Variants in RPS6KC1 observed in about 807,000 individuals in gnomAD.
RPS6KC1 encodes inactive ribosomal protein S6 kinase delta-1.
RPS6KC1 carries 54 observed loss-of-function variants against 103.8 expected under a neutral mutation model. That is an observed-to-expected ratio of 0.52 (90% CI 0.42 to 0.65). The LOEUF is 0.65. Among genes scored for constraint, RPS6KC1 ranks in the 30% least tolerant of loss-of-function variants. RPS6KC1 has a pLI of 0.00. For synonymous variants in RPS6KC1, 439 were observed against 438.7 expected (o/e 1.00, Z -0.01); for missense variants, 1,151 against 1,253.8 (o/e 0.92, Z 1.24).
At chr1:213,304,032 C>T in the RPS6KC1 span, among the ~76,000 whole-genome samples, 2 of 150,692 alleles carry the variant, frequency 1.3e-5, no homozygotes, top group Admixed American at 6.6e-5. Context: ...GGTGAAACCC[C>T]GTCTCTACTA....
At chr1:213,603,989 A>G in the RPS6KC1 span, among the ~76,000 whole-genome samples, 1 of 152,154 alleles carries the variant, frequency 6.6e-6, no homozygotes, top group Non-Finnish European at 1.5e-5. Context: ...AATTTCTCCT[A>G]TGACTTTGGT....
the RPS6KC1 span, among the ~76,000 whole-genome samples, chr1:213,781,928 G>A: frequency 3.3e-5 from 5 of 152,146 alleles, no homozygotes; most frequent in African/African-American, 1.2e-4. Context: ...GTGTTGCTGT[G>A]TTTCCATTTA....
the RPS6KC1 span, among the ~76,000 whole-genome samples, chr1:213,684,102 C>T: frequency 0.16 from 23,946 of 152,134 alleles, 2,559 homozygotes; most frequent in Non-Finnish European, 0.23. Context: ...CTTACTATTC[C>T]CTGTACACAC....
chr1:213,579,529 G>A, the RPS6KC1 span, among the ~76,000 whole-genome samples: 330 of 152,210 alleles, frequency 2.2e-3, 1 homozygote, highest in Non-Finnish European at 4.1e-3. Context: ...GATGAAGGGG[G>A]CTATAATAGA....
the RPS6KC1 span, among the ~76,000 whole-genome samples, chr1:213,695,771 C>T: frequency 6.6e-5 from 10 of 152,122 alleles, no homozygotes; most frequent in African/African-American, 1.4e-4. Context: ...ATAGGTCTAT[C>T]TAGGAAAGAT....
the RPS6KC1 span, among the ~76,000 whole-genome samples, chr1:213,756,854 C>T: frequency 2.5e-4 from 38 of 152,178 alleles, no homozygotes; most frequent in East Asian, 3.5e-3. Context: ...AAGCAATCTG[C>T]CTGCCTCGGC....
intron 1 of RPS6KC1, among the ~76,000 whole-genome samples, chr1:213,064,012 G>A (rs1415057536): frequency 6.6e-6 from 1 of 152,158 alleles, no homozygotes; most frequent in Non-Finnish European, 1.5e-5. Flanking sequence ...AACTGAATCA[G>A]TGGCAGTTAA....
the RPS6KC1 span, among the ~76,000 whole-genome samples, chr1:213,583,675 G>A: frequency 1.3e-5 from 2 of 151,718 alleles, no homozygotes; most frequent in Non-Finnish European, 2.9e-5. Context: ...ACAAAACTTA[G>A]CTGGGCATGG....
chr1:213,598,536 T>G, the RPS6KC1 span, among the ~76,000 whole-genome samples: 7 of 152,140 alleles, frequency 4.6e-5, no homozygotes, highest in South Asian at 1.5e-3. Context: ...CAATCTGCTT[T>G]TTAGGTAAAT....
chr1:213,383,483 A>T, the RPS6KC1 span, among the ~76,000 whole-genome samples: 1 of 152,228 alleles, frequency 6.6e-6, no homozygotes, highest in African/African-American at 2.4e-5. Flanking sequence ...TGTGTGCTCC[A>T]GGGCAAGAAT....
intron 12 of RPS6KC1, among the ~76,000 whole-genome samples, chr1:213,260,279 T>G (rs528493419): frequency 7.2e-5 from 11 of 152,300 alleles, no homozygotes; most frequent in African/African-American, 2.4e-4. Flanking sequence ...AAATTGTGAT[T>G]TGGCATGAAG....
chr1:213,223,328 G>A (rs1305431344), intron 8 of RPS6KC1, among the ~76,000 whole-genome samples: 8 of 152,056 alleles, frequency 5.3e-5, no homozygotes, highest in Non-Finnish European at 1.2e-4. Context: ...AATGTACACT[G>A]TACCCAATAC....
chr1:213,591,678 A>T, the RPS6KC1 span, among the ~76,000 whole-genome samples: 1 of 152,116 alleles, frequency 6.6e-6, no homozygotes, highest in African/African-American at 2.4e-5. Flanking sequence ...GCAGATTCTG[A>T]GATGGAGATT....
the RPS6KC1 span, among the ~76,000 whole-genome samples, chr1:213,349,002 T>C: frequency 1.3e-5 from 2 of 152,346 alleles, no homozygotes; most frequent in South Asian, 4.1e-4. Flanking sequence ...CTGGTCTTCA[T>C]TTCTAGGTGT....
downstream of RPS6KC1, among the ~76,000 whole-genome samples, chr1:213,275,497 G>C (rs2095110601): frequency 6.6e-6 from 1 of 152,116 alleles, no homozygotes; most frequent in African/African-American, 2.4e-5. Context: ...AGAGTGAAAA[G>C]AATGTCATTT....
the RPS6KC1 span, among the ~76,000 whole-genome samples, chr1:213,398,208 T>C: frequency 3.3e-5 from 5 of 149,592 alleles, no homozygotes; most frequent in Admixed American, 3.3e-4. Context: ...TTTTTTTTTT[T>C]TTTTTTTTTG....
At chr1:213,498,362 T>G in the RPS6KC1 span, among the ~76,000 whole-genome samples, 1 of 152,230 alleles carries the variant, frequency 6.6e-6, no homozygotes, top group South Asian at 2.1e-4. Context: ...TTAATATAAT[T>G]AATCACAATA....
intron 8 of RPS6KC1, among the ~76,000 whole-genome samples, chr1:213,181,099 A>G (rs1160426077): frequency 6.6e-6 from 1 of 152,176 alleles, no homozygotes; most frequent in African/African-American, 2.4e-5. Context: ...GAAAAGGGTA[A>G]GGGGAACATT....
the RPS6KC1 span, among the ~76,000 whole-genome samples, chr1:213,434,109 C>CAAAAA: frequency 7.5e-6 from 1 of 133,426 alleles, no homozygotes; most frequent in African/African-American, 2.7e-5. Context: ...TGCAGATAAG[C>CAAAAA]AAAAAAAAAA....
Sources: allele counts gnomAD v4.1 joint callset (sites outside exome capture counted in the v4.1 genomes callset), GRCh38; gene constraint gnomAD v4.1.1; transcripts MANE v1.5; gene names NCBI Gene and HGNC (gene_info 2026-07-23, HGNC 2026-07-21).